The following MAGI2 variants were observed in gnomAD, a reference collection of about 807,000 sequenced individuals.
MAGI2 encodes membrane associated guanylate kinase, WW and PDZ domain containing 2, also known as membrane-associated guanylate kinase, WW and PDZ domain-containing protein 2.
In MAGI2, 35 loss-of-function variants were observed where a neutral mutation model predicts 133.3. The ratio of observed to expected loss-of-function variants is 0.26; its 90% confidence interval spans 0.20 to 0.35. MAGI2 has a LOEUF of 0.35. Among genes scored for constraint, MAGI2 ranks in the 10% least tolerant of loss-of-function variants. The pLI is 1.00. For missense variants in MAGI2, 1,636 were observed against 1,863.4 expected, an observed-to-expected ratio of 0.88 and a Z score of 2.25; for synonymous variants, 729 against 710.6, an observed-to-expected ratio of 1.03 and a Z score of -0.41.
chr7:79,192,983 G>T (rs921894579), intron 1 of MAGI2, among the ~76,000 whole-genome samples: 15 of 151,830 alleles, frequency 9.9e-5, no homozygotes, highest in Admixed American at 2.0e-4. Context: ...GGCAGAGTGG[G>T]CAGAGAGCCA....
At chr7:78,191,234 T>G (rs957785756) in intron 12 of MAGI2, among the ~76,000 whole-genome samples, 3 of 152,272 alleles carry the variant, frequency 2.0e-5, no homozygotes, top group Non-Finnish European at 4.4e-5. Flanking sequence ...ATTCTTTTTT[T>G]TTTTGCACAG....
At chr7:79,024,745 T>C (rs1254373446) in intron 1 of MAGI2, among the ~76,000 whole-genome samples, 1 of 151,722 alleles carries the variant, frequency 6.6e-6, no homozygotes, top group Non-Finnish European at 1.5e-5. Flanking sequence ...AACAAGCACA[T>C]GAAAAAAAGC....
At chr7:78,120,125 G>A (rs562060803) in intron 20 of MAGI2, among the ~76,000 whole-genome samples, 2 of 152,310 alleles carry the variant, frequency 1.3e-5, no homozygotes, top group African/African-American at 4.8e-5. Context: ...ACAAGTGGCC[G>A]GGCACAGTGG....
intron 2 of MAGI2, among the ~76,000 whole-genome samples, chr7:78,796,650 T>C (rs2151379114): frequency 6.6e-6 from 1 of 152,166 alleles, no homozygotes; most frequent in South Asian, 2.1e-4. Flanking sequence ...AAAAGAAAGG[T>C]AATCAGTATA....
rs547423227 is a variant in MAGI2, at chr7:78,217,871, G to A, written c.2048-16678C>T. ...AGAGGCCAGCAATAGTGACCACTTG[G>A]TAGCCTGGGGGCTGTAGTGGCAGAG... On this transcript the variant is annotated intron_variant, in intron 10 of 21. Coordinates refer to ENST00000354212, the MANE Select transcript of MAGI2 (RefSeq NM_012301.4). Among the ~76,000 whole-genome samples, 5 of 152,288 alleles carry A rather than the reference G, an allele frequency of 3.3e-5. No homozygotes were observed. The East Asian group carries it at 9.6e-4, about 29-fold the overall frequency.
chr7:78,899,998 G>T (rs1293331961), intron 2 of MAGI2, among the ~76,000 whole-genome samples: 1 of 152,154 alleles, frequency 6.6e-6, no homozygotes, highest in Non-Finnish European at 1.5e-5. Flanking sequence ...CCTCCTAAAA[G>T]TGGATGCATT....
chr7:78,273,122 G>T (rs1794745596), intron 9 of MAGI2, among the ~76,000 whole-genome samples: 1 of 152,312 alleles, frequency 6.6e-6, no homozygotes, highest in East Asian at 1.9e-4. Context: ...AGGAGCTCTT[G>T]TAAGGCAGGC....
intron 2 of MAGI2, among the ~76,000 whole-genome samples, chr7:78,928,929 T>C (rs901103889): frequency 2.0e-5 from 3 of 152,086 alleles, no homozygotes; most frequent in Admixed American, 6.6e-5. Context: ...CCCTTTGATC[T>C]ACAATGAAAT....
intron 1 of MAGI2, among the ~76,000 whole-genome samples, chr7:79,039,364 G>A (rs886260141): frequency 7.9e-5 from 12 of 152,078 alleles, no homozygotes; most frequent in South Asian, 4.2e-4. Flanking sequence ...CCCAGTGTCC[G>A]GCGTTTCTTC....
At chr7:79,138,607 C>T (rs1394138735) in intron 1 of MAGI2, among the ~76,000 whole-genome samples, 5 of 152,158 alleles carry the variant, frequency 3.3e-5, no homozygotes. Flanking sequence ...GCCATAACCC[C>T]CAATGTGACT....
intron 2 of MAGI2, among the ~76,000 whole-genome samples, chr7:78,705,139 T>C (rs1018850786): frequency 3.3e-5 from 5 of 152,114 alleles, no homozygotes; most frequent in Admixed American, 3.3e-4. Context: ...CATCCAAATC[T>C]TATCTTGAAT....
At chr7:78,727,534 C>A (rs1215872172) in intron 2 of MAGI2, among the ~76,000 whole-genome samples, 2 of 152,170 alleles carry the variant, frequency 1.3e-5, no homozygotes, top group Non-Finnish European at 2.9e-5. Flanking sequence ...ATGCACAAGT[C>A]ATCGTCTGTA....
chr7:78,952,763 A>T (rs138580113), intron 2 of MAGI2, among the ~76,000 whole-genome samples: 155 of 152,288 alleles, frequency 1.0e-3, no homozygotes, highest in African/African-American at 3.6e-3. Flanking sequence ...AACTATTTTA[A>T]TGTAAAGTTT....
At chr7:78,826,536 C>A (rs976379365) in intron 2 of MAGI2, among the ~76,000 whole-genome samples, 1 of 151,938 alleles carries the variant, frequency 6.6e-6, no homozygotes, top group Non-Finnish European at 1.5e-5. Flanking sequence ...GAAGCACAGA[C>A]AAATTTTGTA....
intron 2 of MAGI2, among the ~76,000 whole-genome samples, chr7:78,658,878 T>A (rs541503359): frequency 5.3e-4 from 80 of 152,308 alleles, no homozygotes; most frequent in African/African-American, 1.8e-3. Flanking sequence ...ACAGTCACTA[T>A]GGAAAACAAA....
intron 6 of MAGI2, among the ~76,000 whole-genome samples, chr7:78,372,061 G>GTTAC (rs1562903218): frequency 6.6e-6 from 1 of 151,652 alleles, no homozygotes; most frequent in African/African-American, 2.4e-5. Flanking sequence ...TGTTTAAAAA[G>GTTAC]TTGTATGTAT....
At chr7:79,030,285 A>C (rs1810438274) in intron 1 of MAGI2, 1 of 152,232 alleles carries the variant, frequency 6.6e-6, no homozygotes, top group Non-Finnish European at 1.5e-5. Context: ...TGATACAGTG[A>C]AGATGAGCAT....
At chr7:78,154,220 C>T (rs1824165169) in intron 16 of MAGI2, among the ~76,000 whole-genome samples, 1 of 152,236 alleles carries the variant, frequency 6.6e-6, no homozygotes, top group South Asian at 2.1e-4. Context: ...TCGAGAAACT[C>T]ACCAGGGTGC....
At chr7:79,263,949 G>A (rs1231871956) in intron 1 of MAGI2, among the ~76,000 whole-genome samples, 4 of 152,096 alleles carry the variant, frequency 2.6e-5, no homozygotes, top group African/African-American at 7.2e-5. Context: ...TGGAGACCCT[G>A]ATCCCCAATC....
Sources: allele counts gnomAD v4.1 joint callset (sites outside exome capture counted in the v4.1 genomes callset), GRCh38; gene constraint gnomAD v4.1.1; transcripts MANE v1.5; gene names NCBI Gene and HGNC (gene_info 2026-07-23, HGNC 2026-07-21).